Variants in S100PBP observed in about 807,000 individuals in gnomAD.
S100PBP encodes S100P binding protein.
Under a neutral mutation model 39.9 loss-of-function variants are expected in S100PBP, and 15 were observed. The ratio of observed to expected loss-of-function variants is 0.38; its 90% CI spans 0.25 to 0.58. S100PBP has a LOEUF of 0.58. Among genes scored for constraint, S100PBP ranks in the 20% least tolerant of loss-of-function variants. S100PBP has a pLI of 0.70. For synonymous variants in S100PBP, 178 were observed against 180.3 expected, an observed-to-expected ratio of 0.99 and a Z score of 0.10; for missense variants, 504 against 487.3, an observed-to-expected ratio of 1.03 and a Z score of -0.32.
chr1:32,822,228 A>G (rs1423145144), intron 1 of S100PBP, among the ~76,000 whole-genome samples: 1 of 152,190 alleles, frequency 6.6e-6, no homozygotes, highest in Non-Finnish European at 1.5e-5. Context: ...GTTGATAGTC[A>G]TTGGGGTTGA....
Position 32,858,400 on chromosome 1 carries a change from C to G in S100PBP, c.*2362C>G, listed in dbSNP as rs1334114585. On this transcript the variant is annotated 3_prime_UTR_variant, in exon 7 of 7. Transcript: ENST00000373475. ...TGGACTGGGGGAGGAGAGAGCTGTT[C>G]TCTAGTGGTTAACATGGTATTCTTT... The G allele has an allele frequency of 6.6e-6, 1 of 152,612 alleles. No individual in the cohort carries two copies. The highest frequency in any genetic ancestry group is 1.5e-5 in the Non-Finnish European group (1 of 68,034). 9.5% of individuals were successfully genotyped at this position (152,612 alleles called of 1,614,324 possible).
At chr1:32,822,815 A>T (rs1173460321) in intron 1 of S100PBP, among the ~76,000 whole-genome samples, 1 of 152,260 alleles carries the variant, frequency 6.6e-6, no homozygotes, top group South Asian at 2.1e-4. Context: ...CATGTTGTGT[A>T]GGAATTGATT....
In S100PBP at chr1:32,856,100, A is replaced by C. The variant is rs1056603869; in HGVS notation, c.*62A>C. 2.8e-6 allele frequency: 3 copies of C among 1,081,412 alleles called. No individual in the cohort carries two copies. The highest frequency in any genetic ancestry group is 4.0e-5 in the Admixed American group (2 of 50,008). The allele number at this position is 1,081,412 out of a possible 1,614,324, so 67.0% of individuals were successfully genotyped here. A position where few individuals can be genotyped will look rare whatever the true frequency, so the allele number is the denominator to read the frequency against. On this transcript the variant is annotated 3_prime_UTR_variant, in exon 7 of 7. Transcript: ENST00000373475. ...AGGGTCCTGCTTGGAGCAGCATTTC[A>C]TGTTCTTTTGCTGTTTTGTGCTTTG...
chr1:32,843,920 T>C (rs1640234084), intron 5 of S100PBP, among the ~76,000 whole-genome samples: 1 of 151,796 alleles, frequency 6.6e-6, no homozygotes, highest in African/African-American at 2.4e-5. Context: ...TTGACTTTTT[T>C]TTTCTTTTTT....
At chr1:32,844,931 C>T (rs1640295243) in intron 5 of S100PBP, among the ~76,000 whole-genome samples, 1 of 151,606 alleles carries the variant, frequency 6.6e-6, no homozygotes, top group Admixed American at 6.6e-5. Context: ...CGGGTTCACG[C>T]CATTCTCCTG....
intron 1 of S100PBP, among the ~76,000 whole-genome samples, chr1:32,819,024 C>T (rs890604639): frequency 4.6e-5 from 7 of 152,040 alleles, no homozygotes; most frequent in Admixed American, 4.6e-4. Flanking sequence ...TTAGTGGCCT[C>T]AATAAAGTAA....
At position 32,850,557 on chromosome 1, in the gene S100PBP, T is replaced by TTTC. The variant is rs1640568935; in HGVS notation, c.1025-2521_1025-2519dup. ...CAAGGAGTGACAGTAATGCCTTTTC[T>TTTC]TTCCATGAATGAGATTGAACATTGT... On this transcript the variant is annotated intron_variant, in intron 5 of 6. Coordinates refer to ENST00000373475, the MANE Select transcript of S100PBP (RefSeq NM_022753.4). Among the ~76,000 whole-genome samples the TTTC allele has an allele frequency of 2.6e-5, 4 of 152,378 alleles. No homozygotes were observed. The South Asian group carries it at 8.3e-4, about 32-fold the overall frequency.
At position 32,855,993 on chromosome 1, in the gene S100PBP, A is replaced by G. The variant is rs1248280857; in HGVS notation, c.1182A>G (p.Arg394=). Residue 394 remains arginine, a synonymous_variant, in exon 7 of 7, where the codon CGA becomes CGG. Coordinates refer to ENST00000373475, the MANE Select transcript of S100PBP (RefSeq NM_022753.4). ...SLTQWVDRNM[R]SHHRFQRLPD... ...CTCAGTGGGTTGACAGGAACATGCG[A>G]AGCCACCATCGGTTCCAGCGTCTCC... The G allele has an allele frequency of 6.2e-7, 1 of 1,613,680 alleles. No individual in the cohort carries two copies. Among genetic ancestry groups the G allele is most frequent in the Non-Finnish European group, 8.5e-7 (1 of 1,179,788 alleles).
At chr1:32,842,221 G>GTATGTATA (rs1553132257) in intron 5 of S100PBP, among the ~76,000 whole-genome samples, 6 of 91,756 alleles carry the variant, frequency 6.5e-5, no homozygotes, top group African/African-American at 8.6e-5. Flanking sequence ...ATATATATAT[G>GTATGTATA]TATATATATA....
intron 1 of S100PBP, among the ~76,000 whole-genome samples, chr1:32,819,150 T>C (rs1273700577): frequency 6.8e-6 from 1 of 147,212 alleles, no homozygotes; most frequent in Non-Finnish European, 1.5e-5. Context: ...TAAACTGAAG[T>C]GTGAAGAAGG....
At chr1:32,828,498 C>T (rs1186981817) in intron 4 of S100PBP, among the ~76,000 whole-genome samples, 1 of 151,992 alleles carries the variant, frequency 6.6e-6, no homozygotes, top group Non-Finnish European at 1.5e-5. Context: ...ACTACCCTTG[C>T]GGAAAAATTC....
intron 1 of S100PBP, among the ~76,000 whole-genome samples, chr1:32,823,013 TGTA>T (rs143824478): frequency 0.041 from 6,255 of 152,290 alleles, 331 homozygotes; most frequent in African/African-American, 0.12. Context: ...CTGTCACAGA[TGTA>T]GTGGGAAAAA....
chr1:32,817,622 C>T, upstream of S100PBP: 1 of 318,442 alleles, frequency 3.1e-6, no homozygotes. Flanking sequence ...GGGGAGGGGG[C>T]GATAAAATGG....
At chr1:32,835,028 T>C (rs1639755674) in intron 5 of S100PBP, 1 of 151,908 alleles carries the variant, frequency 6.6e-6, no homozygotes, top group African/African-American at 2.4e-5. Flanking sequence ...TAATCCCAGC[T>C]ACTCGGGAGG....
chr1:32,817,410 A>G, upstream of S100PBP: 2 of 792,396 alleles, frequency 2.5e-6, no homozygotes, highest in Admixed American at 2.3e-5. Flanking sequence ...GCGGCCGGAA[A>G]AAGTGAGGAG....
chr1:32,847,237 T>A (rs1640420752), intron 5 of S100PBP: 1 of 152,248 alleles, frequency 6.6e-6, no homozygotes, highest in South Asian at 2.1e-4. Flanking sequence ...CAACTTGTAA[T>A]GTTTGTTGTA....
chr1:32,827,935 G>C, intron 3 of S100PBP, 58 bp from the exon 4 acceptor site: 1 of 1,198,474 alleles, frequency 8.3e-7, no homozygotes, highest in Non-Finnish European at 1.2e-6. Context: ...AGTGTTTTCA[G>C]TGCTTTTCTT....
chr1:32,841,322 T>A (rs906708880), intron 5 of S100PBP, among the ~76,000 whole-genome samples: 17 of 152,212 alleles, frequency 1.1e-4, no homozygotes, highest in Non-Finnish European at 2.2e-4. Flanking sequence ...AAGTGTCTTC[T>A]AAAGAACATA....
intron 1 of S100PBP, among the ~76,000 whole-genome samples, chr1:32,819,518 C>T (rs1173527286): frequency 6.6e-6 from 1 of 152,184 alleles, no homozygotes; most frequent in Admixed American, 6.5e-5. Context: ...GAGCCCAGAT[C>T]ACGCCACTGC....
Sources: gnomAD v4.1 joint callset for allele counts (sites outside exome capture counted in the v4.1 genomes callset) on GRCh38, gnomAD v4.1.1 for gene constraint, MANE v1.5 for transcripts, NCBI Gene and HGNC (gene_info 2026-07-23, HGNC 2026-07-21) for gene names.